The following PHC3 variants were observed in gnomAD, a reference collection of about 807,000 sequenced individuals.
PHC3 encodes the protein polyhomeotic homolog 3, also known as polyhomeotic-like protein 3.
A neutral mutation model predicts 107.4 loss-of-function variants in PHC3; 13 were observed. That is an observed-to-expected ratio of 0.12 (90% CI 0.08 to 0.19). The LOEUF is 0.19. Ranked by LOEUF, PHC3 falls within the 10% of genes least tolerant of loss-of-function variation. The pLI, the probability that PHC3 is intolerant of heterozygous loss-of-function variation, is 1.00. For missense variants in PHC3, 992 were observed against 1,210.9 expected, an observed-to-expected ratio of 0.82 and a Z score of 2.68; for synonymous variants, 456 against 427.4, an observed-to-expected ratio of 1.07 and a Z score of -0.83.
chr3:170,145,339 G>T, intron 6 of PHC3, 84 bp downstream of exon 6: 2 of 1,072,804 alleles, frequency 1.9e-6, no homozygotes, highest in Non-Finnish European at 2.7e-6. Flanking sequence ...GAAACCATCA[G>T]TAACTTAAAC....
Position 170,090,067 on chromosome 3 carries a change from ATGT to A in PHC3, c.*7160_*7162del, listed in dbSNP as rs1334010933. 2.0e-5 allele frequency: 3 copies of A among 152,080 alleles called. No homozygotes were observed. The highest frequency in any genetic ancestry group is 2.1e-4 in the South Asian group (1 of 4,828). 9.4% of individuals were successfully genotyped at this position (152,080 alleles called of 1,614,324 possible). On this transcript the variant is annotated 3_prime_UTR_variant, in exon 15 of 15. Coordinates refer to ENST00000495893, the MANE Select transcript of PHC3 (RefSeq NM_024947.4). ...TGGAATAGAGTCAAGTGTCAAAATAATGTTGTGAAATACGGGCTGTCTCAACCT... is the reference window on the plus strand; with the variant it reads ...TGGAATAGAGTCAAGTGTCAAAATAATGTGAAATACGGGCTGTCTCAACCT...
At chr3:170,178,074 G>A (rs1178323670) in intron 2 of PHC3, among the ~76,000 whole-genome samples, 1 of 152,068 alleles carries the variant, frequency 6.6e-6, no homozygotes, top group Non-Finnish European at 1.5e-5. Context: ...ACAGTGTTAA[G>A]AGGTAGGACC....
chr3:170,167,376 A>G (rs761526635), intron 4 of PHC3, among the ~76,000 whole-genome samples: 3 of 152,330 alleles, frequency 2.0e-5, no homozygotes, highest in Non-Finnish European at 4.4e-5. Context: ...TTGGGCTCCC[A>G]AAGTGTTGGG....
At chr3:170,111,278 G>GAAGC (rs1717613920) in intron 11 of PHC3, among the ~76,000 whole-genome samples, 1 of 115,938 alleles carries the variant, frequency 8.6e-6, no homozygotes, top group Non-Finnish European at 1.8e-5. Context: ...AGGAAGGAAG[G>GAAGC]AAGGAAGGAA....
chr3:170,135,156 T>A (rs1401450027), intron 7 of PHC3, among the ~76,000 whole-genome samples: 1 of 152,104 alleles, frequency 6.6e-6, no homozygotes, highest in Non-Finnish European at 1.5e-5. Context: ...TGTTTGTTTG[T>A]TTGTTTGTTT....
chr3:170,119,274 A>C (rs1719719774), intron 9 of PHC3, among the ~76,000 whole-genome samples: 1 of 152,124 alleles, frequency 6.6e-6, no homozygotes, highest in Non-Finnish European at 1.5e-5. Flanking sequence ...GGAAAAAATA[A>C]ATCTATGGAG....
At chr3:170,106,779 A>T in intron 12 of PHC3, 53 bp downstream of exon 12, 3 of 1,284,618 alleles carry the variant, frequency 2.3e-6, no homozygotes, top group South Asian at 2.8e-5. Flanking sequence ...TTTTTGGTTT[A>T]GTTGCAATGG....
chr3:170,160,233 C>A (rs916103883), intron 4 of PHC3, among the ~76,000 whole-genome samples: 1 of 152,184 alleles, frequency 6.6e-6, no homozygotes, highest in Non-Finnish European at 1.5e-5. Flanking sequence ...GGATCATGAT[C>A]TCACGGTGAG....
In PHC3 at chr3:170,096,483, T is replaced by TGAACCCACCCCC. The variant is rs1714659958; in HGVS notation, c.*735_*746dup. ...CTAGACACCAGTAGCAACCCTCCCC[T>TGAACCCACCCCC]GAACCCACCCCCAAGCTGTGACAAC... On this transcript the variant is annotated 3_prime_UTR_variant, in exon 15 of 15. Coordinates refer to ENST00000495893, the MANE Select transcript of PHC3 (RefSeq NM_024947.4). The TGAACCCACCCCC allele has an allele frequency of 6.6e-6, 1 of 151,292 alleles. No individual in the cohort carries two copies. Among genetic ancestry groups the TGAACCCACCCCC allele is most frequent in the Non-Finnish European group, 1.5e-5 (1 of 67,828 alleles). 9.4% of individuals were successfully genotyped at this position (151,292 alleles called of 1,614,324 possible). A position where few individuals can be genotyped will look rare whatever the true frequency, so the allele number is the denominator to read the frequency against.
chr3:170,157,993 T>C (rs1214962310), intron 4 of PHC3, among the ~76,000 whole-genome samples: 2 of 151,908 alleles, frequency 1.3e-5, no homozygotes, highest in African/African-American at 4.8e-5. Flanking sequence ...TATATACTCA[T>C]TAAAAATCAT....
At chr3:170,152,002 A>G (rs1409677985) in intron 4 of PHC3, among the ~76,000 whole-genome samples, 1 of 152,124 alleles carries the variant, frequency 6.6e-6, no homozygotes, top group East Asian at 1.9e-4. Flanking sequence ...TTAAAATAAA[A>G]AAGTTTAAAA....
chr3:170,107,274 A>AT (rs1716725115), intron 11 of PHC3, among the ~76,000 whole-genome samples: 1 of 152,226 alleles, frequency 6.6e-6, no homozygotes, highest in Non-Finnish European at 1.5e-5. Context: ...TAACATAGGC[A>AT]TTATCCTCCA....
intron 9 of PHC3, among the ~76,000 whole-genome samples, chr3:170,117,714 T>G (rs1719310421): frequency 6.6e-6 from 1 of 151,872 alleles, no homozygotes; most frequent in Non-Finnish European, 1.5e-5. Context: ...TTTAACAAAT[T>G]GGGCCAGGCA....
chr3:170,159,729 C>T (rs1008857881), intron 4 of PHC3, among the ~76,000 whole-genome samples: 1 of 151,814 alleles, frequency 6.6e-6, no homozygotes, highest in African/African-American at 2.4e-5. Flanking sequence ...CATGAAACTA[C>T]AAAATAAAAA....
chr3:170,106,706 G>T, intron 12 of PHC3, 126 bp downstream of exon 12: 1 of 514,650 alleles, frequency 1.9e-6, no homozygotes, highest in Non-Finnish European at 3.4e-6. Context: ...TAATATCTAG[G>T]TTTCTTCTAT....
chr3:170,160,263 T>C (rs1727668422), intron 4 of PHC3, among the ~76,000 whole-genome samples: 1 of 152,248 alleles, frequency 6.6e-6, no homozygotes, highest in African/African-American at 2.4e-5. Context: ...CTGCAAACTC[T>C]ACCTGTTTTA....
At chr3:170,119,132 C>T (rs754511476) in intron 9 of PHC3, among the ~76,000 whole-genome samples, 12 of 148,432 alleles carry the variant, frequency 8.1e-5, no homozygotes, top group Non-Finnish European at 1.5e-4. Context: ...ATTGTACAAA[C>T]ATATTATCAA....
intron 4 of PHC3, among the ~76,000 whole-genome samples, chr3:170,168,753 CAAA>C (rs59152470): frequency 1.3e-5 from 1 of 77,082 alleles, no homozygotes. Context: ...GACTCCGTCT[CAAA>C]AAAAAAAAAA....
At chr3:170,140,686 C>T (rs964895082) in intron 6 of PHC3, among the ~76,000 whole-genome samples, 3 of 143,130 alleles carry the variant, frequency 2.1e-5, no homozygotes, top group African/African-American at 7.8e-5. Flanking sequence ...CTCCACATCT[C>T]GGGTGCAAGC....
Sources: gnomAD v4.1 joint callset for allele counts (sites outside exome capture counted in the v4.1 genomes callset) on GRCh38, gnomAD v4.1.1 for gene constraint, MANE v1.5 for transcripts, NCBI Gene and HGNC (gene_info 2026-07-23, HGNC 2026-07-21) for gene names.